The following HERC1 variants were observed in gnomAD, a reference collection of about 807,000 sequenced individuals.
HERC1 encodes the protein HECT and RLD domain containing E3 ubiquitin protein ligase family member 1, also known as probable E3 ubiquitin-protein ligase HERC1.
A neutral mutation model predicts 554.3 loss-of-function variants in HERC1; 160 were observed. The observed-to-expected ratio is 0.29, with a 90% CI of 0.25 to 0.33. The LOEUF (loss-of-function observed/expected upper bound fraction) is 0.33. Ranked by LOEUF, HERC1 falls within the 10% of genes least tolerant of loss-of-function variation. The pLI is 1.00. For missense variants in HERC1, 4,919 were observed against 5,918.5 expected (o/e 0.83, Z 5.54); for synonymous variants, 2,175 against 2,131.7 (o/e 1.02, Z -0.56).
Position 63,692,485 on chromosome 15 carries a change from G to A in HERC1, c.5756C>T (p.Ala1919Val). The A allele has an allele frequency of 3.7e-6, 6 of 1,612,910 alleles. No homozygotes were observed. Among genetic ancestry groups the A allele is most frequent in the Non-Finnish European group, 5.1e-6 (6 of 1,179,510 alleles). ...VFLRRVVSSK[A>V]IQSKMASPKW... The stretch of plus-strand genomic sequence containing the variant: ...TGGGGAAGCCATTTTTGATTGAATT[G>A]CTTTTGAAGATACAACTCTGCGAAG... The change falls in exon 31 of 78, where the codon GCA becomes GTA. Residue 1919 changes from alanine (A) to valine (V), a missense_variant. Physicochemically the swap from Ala to Val is moderately conservative, Grantham distance 64. Coordinates refer to ENST00000443617, the MANE Select transcript of HERC1 (RefSeq NM_003922.4). This position sits in a 1 kb window ranked among gnomAD's most constrained non-coding sequence, Gnocchi z 4.7.
intron 2 of HERC1, among the ~76,000 whole-genome samples, chr15:63,765,248 A>AC (rs2075738492): frequency 6.6e-6 from 1 of 151,776 alleles, no homozygotes. Context: ...ATGCGACCAT[A>AC]CCCTCCTTTG....
rs1021324483 is a variant in HERC1 at position 63,751,167 on chromosome 15, T to A, written c.1903-1376A>T. On this transcript the variant is annotated intron_variant, in intron 8 of 77. Transcript: ENST00000443617. ...ATTCGGTCAATAGCAGACCACATTA[T>A]ACAACAGTGGTCCCTTAAGATCTAA... is the stretch of plus-strand genomic sequence containing the variant. Among the ~76,000 whole-genome samples the A allele has an allele frequency of 3.9e-5, 6 of 152,340 alleles. No homozygotes were observed. In the East Asian group the frequency reaches 1.2e-3, roughly 29 times the overall value.
At chr15:63,779,784 G>A (rs1237921374) in intron 1 of HERC1, 1 of 152,118 alleles carries the variant, frequency 6.6e-6, no homozygotes, top group Non-Finnish European at 1.5e-5. Context: ...TGGAGGTCGA[G>A]GTGGGAGGAT....
chr15:63,832,308 C>G (rs116310927), intron 1 of HERC1, among the ~76,000 whole-genome samples: 258 of 152,102 alleles, frequency 1.7e-3, no homozygotes, highest in African/African-American at 6.0e-3. Context: ...TATATACGTA[C>G]ATTTATGCAT....
intron 77 of HERC1, among the ~76,000 whole-genome samples, chr15:63,611,785 T>C (rs1028470075): frequency 1.3e-5 from 2 of 152,228 alleles, no homozygotes; most frequent in Admixed American, 6.5e-5. Flanking sequence ...TAAACAAATT[T>C]TACTGCTTGA....
In HERC1 at chr15:63,789,251, C is replaced by T. The variant is rs951287792; in HGVS notation, c.-26-13602G>A. Among the ~76,000 whole-genome samples the T allele has an allele frequency of 6.0e-5, 9 of 149,094 alleles. 1 individual carries two copies. Among genetic ancestry groups the T allele is most frequent in the African/African-American group, 2.2e-4 (9 of 40,712 alleles). ...GACTACAGGCGCCCGCCACTACGCC[C>T]GGCTAATTTTTTGTATTTTTAGTAG... is the stretch of plus-strand genomic sequence containing the variant. On this transcript the variant is annotated intron_variant, in intron 1 of 77. Coordinates refer to ENST00000443617, the MANE Select transcript of HERC1 (RefSeq NM_003922.4).
chr15:63,746,468 G>C (rs1567081034), intron 12 of HERC1, among the ~76,000 whole-genome samples: 2 of 151,916 alleles, frequency 1.3e-5, no homozygotes, highest in African/African-American at 4.8e-5. Context: ...TTTATAACCA[G>C]TATTCTATTC....
chr15:63,773,153 T>C (rs1224736254), intron 2 of HERC1, among the ~76,000 whole-genome samples: 1 of 152,088 alleles, frequency 6.6e-6, no homozygotes, highest in Non-Finnish European at 1.5e-5. Context: ...AAAAGACTAA[T>C]CAATGTAGGC....
intron 1 of HERC1, among the ~76,000 whole-genome samples, chr15:63,776,988 T>C (rs952186825): frequency 6.6e-6 from 1 of 152,166 alleles, no homozygotes; most frequent in Non-Finnish European, 1.5e-5. Flanking sequence ...TTGACATATA[T>C]TTTTTATATA....
rs2075080690 is a variant in HERC1 at position 63,747,093 on chromosome 15, A to G, written c.2355-10T>C. On this transcript the variant is annotated splice_polypyrimidine_tract_variant and intron_variant, in intron 11 of 77. Transcript: ENST00000443617. ...AAAACTGTGGTGTTCTCTGAAACCA[A>G]ATAAACGTCTATGAATTCTCGGATC... 6.3e-7 allele frequency: 1 copy of G among 1,588,688 alleles called. No individual in the cohort carries two copies. The highest frequency in any genetic ancestry group is 1.3e-5 in the African/African-American group (1 of 74,504).
chr15:63,826,803 AAAAAAAAAAAAATATATATAT>A (rs1255371680), intron 1 of HERC1, among the ~76,000 whole-genome samples: 3 of 73,666 alleles, frequency 4.1e-5, no homozygotes, highest in Non-Finnish European at 7.9e-5. Context: ...AAAAAAAAAA[AAAAAAAAAAAAATATATATAT>A]ATATATATAT....
intron 1 of HERC1, among the ~76,000 whole-genome samples, chr15:63,820,582 T>TG (rs1430880744): frequency 6.6e-6 from 1 of 152,226 alleles, no homozygotes; most frequent in Non-Finnish European, 1.5e-5. Flanking sequence ...GACTAAGGTC[T>TG]TAAAATACGG....
At chr15:63,750,540 A>G (rs2075201251) in intron 8 of HERC1, among the ~76,000 whole-genome samples, 1 of 152,170 alleles carries the variant, frequency 6.6e-6, no homozygotes, top group African/African-American at 2.4e-5. Flanking sequence ...GATTATATAG[A>G]TTCTTATCTT....
intron 1 of HERC1, among the ~76,000 whole-genome samples, chr15:63,788,499 C>T (rs1045191762): frequency 3.9e-5 from 6 of 152,190 alleles, no homozygotes; most frequent in Non-Finnish European, 7.3e-5. Flanking sequence ...AGCAAAGAGT[C>T]TCAGTTCTTT....
In HERC1 at chr15:63,802,544, AGTTTT is replaced by A. The variant is rs766215726; in HGVS notation, c.-26-26900_-26-26896del. Among the ~76,000 whole-genome samples, 4 of 152,338 alleles carry A rather than the reference AGTTTT, an allele frequency of 2.6e-5. No individual in the cohort carries two copies. In the South Asian group the frequency reaches 6.2e-4, roughly 24 times the overall value. ...TAAATATTGGCAAAGGAAAAACTGC[AGTTTT>A]GTTTTGTTTATTAATTTAAGGTAAA... On this transcript the variant is annotated intron_variant, in intron 1 of 77. Coordinates refer to ENST00000443617, the MANE Select transcript of HERC1 (RefSeq NM_003922.4).
intron 70 of HERC1, among the ~76,000 whole-genome samples, chr15:63,626,636 G>A (rs942646389): frequency 3.3e-5 from 5 of 152,158 alleles, no homozygotes; most frequent in African/African-American, 1.2e-4. Flanking sequence ...AAACATATAG[G>A]TGCATGATTC....
Position 63,733,041 on chromosome 15 carries a change from C to T in HERC1, c.2751G>A (p.Val917=). 6.2e-7 allele frequency: 1 copy of T among 1,613,840 alleles called. No individual in the cohort carries two copies. Among genetic ancestry groups the T allele is most frequent in the Non-Finnish European group, 8.5e-7 (1 of 1,179,784 alleles). Residue 917 remains valine, a synonymous_variant, in exon 14 of 78, where the codon GTG becomes GTA. Coordinates refer to ENST00000443617, the MANE Select transcript of HERC1 (RefSeq NM_003922.4). The part of the protein sequence containing the change: ...SPSDAADLSS[V]CTGYGNLSDQ... ...CTGACAGATTTCCGTAGCCAGTACA[C>T]ACAGAAGATAGGTCAGCAGCATCAG...
At chr15:63,739,195 C>T (rs544334138) in intron 12 of HERC1, among the ~76,000 whole-genome samples, 1,498 of 102,232 alleles carry the variant, frequency 0.015, 28 homozygotes, top group African/African-American at 0.052. Flanking sequence ...CACTAATATA[C>T]TTTTTTTTTT....
Position 63,713,530 on chromosome 15 carries a change from G to A in HERC1, c.4286C>T (p.Thr1429Ile). 1 of 1,614,002 alleles carries A rather than the reference G, an allele frequency of 6.2e-7. No homozygotes were observed. Among genetic ancestry groups the A allele is most frequent in the Non-Finnish European group, 8.5e-7 (1 of 1,179,902 alleles). ...CACATCCTGACCCTCAGGAAGGTCT[G>A]TGCTGACCCTTCGCTCTTGCTGAGA... ...PQSQQERRVS[T>I]DLPEGQDVYT... Residue 1429 changes from threonine to isoleucine, a missense_variant, in exon 23 of 78, where the codon ACA becomes ATA. Physicochemically the swap from Thr to Ile is moderately conservative, Grantham distance 89. This residue lies in a region of HERC1 where 1,121 missense variants were observed against 1,244.0 expected (regional missense o/e 0.90). Coordinates refer to ENST00000443617, the MANE Select transcript of HERC1 (RefSeq NM_003922.4).
Sources: gnomAD v4.1 joint callset for allele counts (sites outside exome capture counted in the v4.1 genomes callset) on GRCh38, gnomAD v4.1.1 for gene constraint, gnomAD v4.1.1 regional missense constraint, Gnocchi (gnomAD v3.1) non-coding constraint, MANE v1.5 for transcripts, NCBI Gene and HGNC (gene_info 2026-07-23, HGNC 2026-07-21) for gene names.